CHD1: variants seen among roughly 807,000 people sequenced by gnomAD.
CHD1 encodes chromodomain helicase DNA binding protein 1, also known as ATP-dependent chromatin remodeler CHD1.
In CHD1, 36 loss-of-function variants were observed where a neutral mutation model predicts 224.2. The observed-to-expected ratio is 0.16, with a 90% CI of 0.12 to 0.21. The LOEUF (loss-of-function observed/expected upper bound fraction) is 0.21. Ranked by LOEUF, CHD1 falls within the 10% of genes least tolerant of loss-of-function variation. CHD1 has a pLI of 1.00. For missense variants in CHD1, 1,378 were observed against 1,994.8 expected (o/e 0.69, Z 5.89); for synonymous variants, 668 against 658.3 (o/e 1.01, Z -0.23).
intron 1 of CHD1, among the ~76,000 whole-genome samples, chr5:98,926,909 T>C (rs1349091390): frequency 5.1e-5 from 4 of 78,786 alleles, no homozygotes; most frequent in Non-Finnish European, 9.0e-5. Flanking sequence ...CTTGGTCGAA[T>C]AAATGAAGTG....
intron 10 of CHD1, 61 bp from the exon 11 acceptor site, chr5:98,897,381 A>G: frequency 8.4e-7 from 1 of 1,195,030 alleles, no homozygotes; most frequent in African/African-American, 1.6e-5. Flanking sequence ...ATACTAAAAG[A>G]TGAAAGCCTC....
intron 2 of CHD1, among the ~76,000 whole-genome samples, chr5:98,918,924 C>T (rs1752921685): frequency 6.6e-6 from 1 of 152,102 alleles, no homozygotes; most frequent in African/African-American, 2.4e-5. Context: ...GTAATCTACC[C>T]TCCATTTTCT....
At chr5:98,883,270 T>C (rs754781780) in intron 18 of CHD1, 33 bp from the exon 19 acceptor site, 2 of 1,489,406 alleles carry the variant, frequency 1.3e-6, no homozygotes, top group Non-Finnish European at 1.8e-6. Context: ...AATGAAAAAT[T>C]TTTCAATTGA....
intron 13 of CHD1, among the ~76,000 whole-genome samples, chr5:98,894,320 G>A (rs1751210736): frequency 6.6e-6 from 1 of 152,138 alleles, no homozygotes; most frequent in African/African-American, 2.4e-5. Context: ...ATTCGATTGA[G>A]TTGGCAAGCT....
chr5:98,908,558 T>C (rs760887334), intron 2 of CHD1, among the ~76,000 whole-genome samples: 8 of 152,238 alleles, frequency 5.3e-5, no homozygotes, highest in Non-Finnish European at 1.2e-4. Context: ...CAAAGAGATA[T>C]AGGGGACACA....
At chr5:98,861,862 T>A (rs1304013780) in intron 32 of CHD1, among the ~76,000 whole-genome samples, 1 of 151,818 alleles carries the variant, frequency 6.6e-6, no homozygotes, top group Non-Finnish European at 1.5e-5. Context: ...ATAAGGTACT[T>A]TTTTTTCTTG....
At chr5:98,876,847 T>C (rs571175209) in intron 23 of CHD1, among the ~76,000 whole-genome samples, 60 of 152,258 alleles carry the variant, frequency 3.9e-4, no homozygotes, top group Admixed American at 1.5e-3. Flanking sequence ...TGAAGAAACA[T>C]TGATCAATAA....
At chr5:98,871,265 T>G (rs1749310371) in intron 28 of CHD1, among the ~76,000 whole-genome samples, 1 of 150,218 alleles carries the variant, frequency 6.7e-6, no homozygotes, top group East Asian at 2.0e-4. Context: ...CTAGACTACT[T>G]AATTTTTTCT....
intron 20 of CHD1, 35 bp from the exon 21 acceptor site, chr5:98,881,410 C>T: frequency 9.5e-7 from 1 of 1,051,818 alleles, no homozygotes; most frequent in Non-Finnish European, 1.4e-6. Flanking sequence ...TTAACATTAA[C>T]AGTTAAAAAT....
intron 2 of CHD1, among the ~76,000 whole-genome samples, chr5:98,910,857 T>C (rs1406085834): frequency 6.6e-6 from 1 of 151,912 alleles, no homozygotes; most frequent in Non-Finnish European, 1.5e-5. Flanking sequence ...TGTTTTCAGT[T>C]CTCTGATTCT....
chr5:98,870,840 AAAT>A (rs768329943), intron 28 of CHD1, 37 bp from the exon 29 acceptor site: 5 of 1,296,566 alleles, frequency 3.9e-6, no homozygotes, highest in Non-Finnish European at 4.4e-6. Flanking sequence ...TTGTCTTAAT[AAAT>A]AACATGAGAA....
intron 13 of CHD1, 42 bp downstream of exon 13, chr5:98,894,555 T>C (rs1188559040): frequency 2.8e-6 from 2 of 718,072 alleles, no homozygotes; most frequent in African/African-American, 1.8e-5. Flanking sequence ...AAGAAAAAAC[T>C]GATATACAAG....
At chr5:98,898,856 C>G in intron 8 of CHD1, 92 bp from the exon 9 acceptor site, 1 of 730,156 alleles carries the variant, frequency 1.4e-6, no homozygotes, top group Non-Finnish European at 2.3e-6. Flanking sequence ...AGCACAAAAT[C>G]TCCCATTTTG....
intron 31 of CHD1, among the ~76,000 whole-genome samples, chr5:98,867,252 A>T (rs1748946123): frequency 6.6e-6 from 1 of 152,166 alleles, no homozygotes; most frequent in South Asian, 2.1e-4. Context: ...TTTCTCCCTC[A>T]CTTTGAGGAA....
intron 15 of CHD1, 126 bp from the exon 16 acceptor site, chr5:98,889,364 C>A: frequency 1.5e-6 from 1 of 660,084 alleles, no homozygotes. Context: ...TTATAAAATT[C>A]ACAGCTGTAT....
At chr5:98,900,281 C>CAAAAAAA (rs77593613) in intron 7 of CHD1, among the ~76,000 whole-genome samples, 3 of 92,574 alleles carry the variant, frequency 3.2e-5, no homozygotes, top group African/African-American at 3.5e-5. Flanking sequence ...GATTCTGTCA[C>CAAAAAAA]AAAAAAAAAA....
At chr5:98,904,185 G>A (rs1198127769) in intron 3 of CHD1, among the ~76,000 whole-genome samples, 2 of 152,130 alleles carry the variant, frequency 1.3e-5, no homozygotes, top group Non-Finnish European at 2.9e-5. Context: ...GCTACTCATA[G>A]TGTGGTTACC....
Position 98,884,097 on chromosome 5 carries a change from G to A in CHD1, c.2569-860C>T, listed in dbSNP as rs186516948. On this transcript the variant is annotated intron_variant, in intron 18 of 35. Coordinates refer to ENST00000614616, the MANE Select transcript of CHD1 (RefSeq NM_001270.4). The stretch of plus-strand genomic sequence containing the variant: ...TTTTTTGTTTTTTTTTTTTTGAGAC[G>A]GAGTCTCGCTCTGTCACCCAGGCTG... 5.6e-3 allele frequency among the ~76,000 whole-genome samples: 816 copies of A among 144,440 alleles called. 6 individuals are homozygous for A. The highest frequency in any genetic ancestry group is 0.016 in the South Asian group (73 of 4,536). 94.8% of individuals were successfully genotyped at this position (144,440 alleles called of 152,430 possible). A position where few individuals can be genotyped will look rare whatever the true frequency, so the allele number is the denominator to read the frequency against.
chr5:98,866,839 C>T (rs1200621448), intron 31 of CHD1, among the ~76,000 whole-genome samples: 3 of 152,222 alleles, frequency 2.0e-5, no homozygotes, highest in Non-Finnish European at 2.9e-5. Flanking sequence ...TTATCGGTCT[C>T]GTATCACTCA....
Sources: allele counts gnomAD v4.1 joint callset (sites outside exome capture counted in the v4.1 genomes callset), GRCh38; gene constraint gnomAD v4.1.1; transcripts MANE v1.5; gene names NCBI Gene and HGNC (gene_info 2026-07-23, HGNC 2026-07-21).